HNF4A: variants seen among roughly 807,000 people sequenced by gnomAD.
The protein encoded by HNF4A is hepatocyte nuclear factor 4-alpha.
A neutral mutation model predicts 52.4 loss-of-function variants in HNF4A; 15 were observed. That is an observed-to-expected ratio of 0.29 (90% confidence interval 0.19 to 0.44). The LOEUF (loss-of-function observed/expected upper bound fraction) is 0.44. Among genes scored for constraint, HNF4A ranks in the 20% least tolerant of loss-of-function variants. HNF4A has a pLI of 1.00. For missense variants in HNF4A, 479 were observed against 647.2 expected (o/e 0.74, Z 2.82); for synonymous variants, 280 against 264.4 (o/e 1.06, Z -0.57).
chr20:44,386,375 C>CAGGCTGGTCTCGAACTCCTGAACTCA (rs1256990639), intron 1 of HNF4A, among the ~76,000 whole-genome samples: 1 of 152,034 alleles, frequency 6.6e-6, no homozygotes, highest in Non-Finnish European at 1.5e-5. Context: ...CCATGTTTGG[C>CAGGCTGGTCTCGAACTCCTGAACTCA]AGGCTGGTCT....
chr20:44,377,388 G>C (rs1240581696), intron 1 of HNF4A, among the ~76,000 whole-genome samples: 1 of 152,164 alleles, frequency 6.6e-6, no homozygotes, highest in Non-Finnish European at 1.5e-5. Context: ...CCAGCATCAT[G>C]CAATATACCT....
chr20:44,414,769 T>C (rs1313177348), intron 5 of HNF4A, 107 bp downstream of exon 5: 2 of 1,097,600 alleles, frequency 1.8e-6, no homozygotes, highest in East Asian at 5.2e-5. Context: ...TTTTATTTTA[T>C]TTAACAAAAT....
chr20:44,388,455 G>A (rs890419517), intron 1 of HNF4A, among the ~76,000 whole-genome samples: 1 of 149,034 alleles, frequency 6.7e-6, no homozygotes, highest in African/African-American at 2.5e-5. Context: ...TGCTACCCTG[G>A]GAACTGGTTT....
rs1416643657 is a variant in HNF4A at position 44,432,761 on chromosome 20, G to C, written c.*3096G>C. 2.6e-5 allele frequency: 4 copies of C among 151,850 alleles called. No individual in the cohort carries two copies. Among genetic ancestry groups the C allele is most frequent in the Non-Finnish European group, 5.9e-5 (4 of 67,958 alleles). The allele number at this position is 151,850 out of a possible 1,614,324, so 9.4% of individuals were successfully genotyped here. A position where few individuals can be genotyped will look rare whatever the true frequency, so the allele number is the denominator to read the frequency against. ...AGCCCCCATCACTGCCGCCTGATGG[G>C]GCAAAGAAACAAAAAACATTTCTTA... On this transcript the variant is annotated 3_prime_UTR_variant, in exon 10 of 10. Coordinates refer to ENST00000316099, the MANE Select transcript of HNF4A (RefSeq NM_000457.6).
At chr20:44,386,786 C>T (rs1326121792) in intron 1 of HNF4A, among the ~76,000 whole-genome samples, 2 of 152,172 alleles carry the variant, frequency 1.3e-5, no homozygotes, top group Non-Finnish European at 2.9e-5. Context: ...TCAAGAAACC[C>T]TGGTTAGCCA....
chr20:44,380,093 G>A (rs1169367632), intron 1 of HNF4A, among the ~76,000 whole-genome samples: 4 of 151,906 alleles, frequency 2.6e-5, no homozygotes, highest in African/African-American at 9.7e-5. Flanking sequence ...TGGCCAGGCT[G>A]GTCTCAAACT....
chr20:44,360,490 G>A (rs2062905218), intron 1 of HNF4A, among the ~76,000 whole-genome samples: 1 of 152,124 alleles, frequency 6.6e-6, no homozygotes, highest in African/African-American at 2.4e-5. Flanking sequence ...GGATGAATAA[G>A]TAGCTGGATA....
At chr20:44,371,077 G>A (rs955676448) in intron 1 of HNF4A, among the ~76,000 whole-genome samples, 1 of 152,228 alleles carries the variant, frequency 6.6e-6, no homozygotes, top group Non-Finnish European at 1.5e-5. Context: ...GAAACTGGAG[G>A]GAGGCCTGGG....
upstream of HNF4A, among the ~76,000 whole-genome samples, chr20:44,399,728 TCATTCACTCACTCATTCATG>T (rs1393366938): frequency 6.6e-6 from 1 of 152,204 alleles, no homozygotes; most frequent in African/African-American, 2.4e-5. Flanking sequence ...CCTCATTCGT[TCATTCACTCACTCATTCATG>T]CATTCACTCA....
chr20:44,394,935 G>A (rs1352269374), intron 1 of HNF4A, among the ~76,000 whole-genome samples: 1 of 152,192 alleles, frequency 6.6e-6, no homozygotes, highest in Non-Finnish European at 1.5e-5. Context: ...GAGGCCCAGG[G>A]ATGGGGCCCA....
In HNF4A at chr20:44,414,704, C is replaced by T. The variant is rs140376676; in HGVS notation, c.648+42C>T. 1,170 of 1,566,864 alleles carry T rather than the reference C, an allele frequency of 7.5e-4. 8 individuals are homozygous for T. In the African/African-American group the frequency reaches 0.014, roughly 19 times the overall value. ...ATGGTGGGCAGTAGTGGGCAGTGGG[C>T]GGGGCAGCCAGGGGGCTGCTGGCCC... On this transcript the variant is annotated intron_variant, in intron 5 of 9. Transcript: ENST00000316099.
chr20:44,366,886 A>T (rs2062975219), intron 1 of HNF4A, among the ~76,000 whole-genome samples: 1 of 152,224 alleles, frequency 6.6e-6, no homozygotes, highest in Non-Finnish European at 1.5e-5. Flanking sequence ...CAATTGTATG[A>T]AGAGGAATAC....
intron 1 of HNF4A, among the ~76,000 whole-genome samples, chr20:44,378,792 G>C (rs6073420): frequency 0.2 from 29,989 of 151,290 alleles, 3,085 homozygotes; most frequent in Non-Finnish European, 0.22. Flanking sequence ...GGTGGTGCGT[G>C]CCTGTAATCC....
Position 44,401,562 on chromosome 20 carries a change from C to T in HNF4A, c.115+75C>T, listed in dbSNP as rs189943469. 114 of 1,566,470 alleles carry T rather than the reference C, an allele frequency of 7.3e-5. No homozygotes were observed. The Admixed American group carries it at 1.5e-3, about 20-fold the overall frequency. On this transcript the variant is annotated intron_variant, in intron 1 of 9. Transcript: ENST00000316099. The stretch of plus-strand genomic sequence containing the variant: ...TGGGTCCAGGAGCAGATCTTTGGCA[C>T]TCAACTTTGGGGTGGGAGGAGAATG...
At position 44,429,936 on chromosome 20, in the gene HNF4A, C is replaced by A; in HGVS notation, c.*271C>A. The A allele has an allele frequency of 2.0e-6, 1 of 498,942 alleles. No individual in the cohort carries two copies. The highest frequency in any genetic ancestry group is 3.6e-6 in the Non-Finnish European group (1 of 278,176). The allele number at this position is 498,942 out of a possible 1,614,324, so 30.9% of individuals were successfully genotyped here. ...GTTGAAGCCACTGCCTTCACCTTCACCTTCATCCATGTCCAACCCCCGACT... is the reference window on the plus strand; with the variant it reads ...GTTGAAGCCACTGCCTTCACCTTCAACTTCATCCATGTCCAACCCCCGACT... On this transcript the variant is annotated 3_prime_UTR_variant, in exon 10 of 10. Transcript: ENST00000316099.
chr20:44,381,592 T>C (rs2063154586), intron 1 of HNF4A, among the ~76,000 whole-genome samples: 1 of 152,068 alleles, frequency 6.6e-6, no homozygotes, highest in South Asian at 2.1e-4. Flanking sequence ...CAGTGGGCAC[T>C]CTTTTCCAAA....
Position 44,370,714 on chromosome 20 carries a change from C to T in HNF4A, c.49+14861C>T, listed in dbSNP as rs543126366. On this transcript the variant is annotated intron_variant, in intron 1 of 9. Coordinates refer to the HNF4A transcript ENST00000316673. ...ACAGTAGGCGCCCCATAAGTATTTG[C>T]GGAATGAGCAAATACAGATGGGGAC... Among the ~76,000 whole-genome samples, 23 of 152,234 alleles carry T rather than the reference C, an allele frequency of 1.5e-4. No homozygotes were observed. In the East Asian group the frequency reaches 2.1e-3, roughly 14 times the overall value.
In HNF4A at chr20:44,421,126, T is replaced by C. The variant is rs372656984; in HGVS notation, c.892+1250T>C. Among the ~76,000 whole-genome samples, 132 of 151,918 alleles carry C rather than the reference T, an allele frequency of 8.7e-4. 2 individuals carry two copies. The highest frequency in any genetic ancestry group is 3.0e-3 in the African/African-American group (125 of 41,178). On this transcript the variant is annotated intron_variant, in intron 7 of 9. Transcript: ENST00000316099. ...TTTATTGCTATTTTTGAGTCTCTGT[T>C]GCAAGTTATGTGCTTTTATCTTTCC...
chr20:44,363,823 A>G (rs942254282), intron 1 of HNF4A, among the ~76,000 whole-genome samples: 1 of 150,410 alleles, frequency 6.6e-6, no homozygotes, highest in African/African-American at 2.4e-5. Flanking sequence ...CAGCCTCCCA[A>G]GTAGCTGGGA....
Sources: gnomAD v4.1 joint callset for allele counts (sites outside exome capture counted in the v4.1 genomes callset) on GRCh38, gnomAD v4.1.1 for gene constraint, MANE v1.5 for transcripts, NCBI Gene and HGNC (gene_info 2026-07-23, HGNC 2026-07-21) for gene names.